Variants in EVI2B observed in about 807,000 individuals in gnomAD.
EVI2B encodes ecotropic viral integration site 2B, also known as protein EVI2B.
EVI2B carries 4 observed loss-of-function variants against 6.6 expected under a neutral mutation model. The observed-to-expected ratio is 0.61, with a 90% confidence interval of 0.30 to 1.39. The LOEUF is 1.39. EVI2B is among the 40% of genes most tolerant of loss of function. The pLI is 0.08. For synonymous variants in EVI2B, 181 were observed against 186.8 expected, an observed-to-expected ratio of 0.97 and a Z score of 0.25; for missense variants, 484 against 516.6, an observed-to-expected ratio of 0.94 and a Z score of 0.61.
At position 31,305,658 on chromosome 17, in the gene EVI2B, A is replaced by G. The variant is rs190016033; in HGVS notation, c.-21-28T>C. 8 of 1,558,842 alleles carry G rather than the reference A, an allele frequency of 5.1e-6. No homozygotes were observed. In the African/African-American group the frequency reaches 1.1e-4, roughly 21 times the overall value. On this transcript the variant is annotated intron_variant, in intron 1 of 1. Transcript: ENST00000330927. ...ATAGCGGGTTTATAATGAAAGAGAAAGACAGTTAGGCGTCATTGGTGTCTA... is the reference window on the plus strand; with the variant it reads ...ATAGCGGGTTTATAATGAAAGAGAAGGACAGTTAGGCGTCATTGGTGTCTA...
At position 31,304,849 on chromosome 17, in the gene EVI2B, A is replaced by C; in HGVS notation, c.761T>G (p.Met254Arg). 7.4e-6 allele frequency: 12 copies of C among 1,614,102 alleles called. No homozygotes were observed. The highest frequency in any genetic ancestry group is 2.2e-5 in the East Asian group (1 of 44,864). Reference protein sequence around the residue: ...FADGETPDICMDNIRENEIST... With the variant: ...FADGETPDICRDNIRENEIST... The stretch of plus-strand genomic sequence containing the variant: ...TATTTCATTTTCTCTGATGTTATCC[A>C]TACAAATGTCAGGGGTTTCTCCATC... Residue 254 changes from methionine to arginine, a missense_variant, in exon 2 of 2, where the codon ATG becomes AGG. Coordinates refer to ENST00000330927, the MANE Select transcript of EVI2B (RefSeq NM_006495.4).
chr17:31,305,660 A>T (rs1299922889), intron 1 of EVI2B, 30 bp from the exon 2 acceptor site: 1 of 1,554,218 alleles, frequency 6.4e-7, no homozygotes, highest in Admixed American at 1.9e-5. Context: ...AAAGAGAAAG[A>T]CAGTTAGGCG....
intron 1 of EVI2B, among the ~76,000 whole-genome samples, chr17:31,306,388 T>C (rs1333361587): frequency 2.4e-4 from 36 of 152,164 alleles, no homozygotes. Flanking sequence ...TTTTTCCATA[T>C]TTTATATATA....
Position 31,304,707 on chromosome 17 carries a change from G to A in EVI2B, c.903C>T (p.Ser301=). The A allele has an allele frequency of 1.2e-6, 2 of 1,614,076 alleles. No individual in the cohort carries two copies. Among genetic ancestry groups the A allele is most frequent in the Non-Finnish European group, 1.7e-6 (2 of 1,180,000 alleles). ...LFESSENIED[S]NNPKTEKIKD... ...TTATTTTCTCTGTTTTGGGGTTGTT[G>A]GAGTCTTCAATGTTTTCACTTGATT... is the stretch of plus-strand genomic sequence containing the variant. Residue 301 remains serine (S), a synonymous_variant, in exon 2 of 2, where the codon TCC becomes TCT. Coordinates refer to ENST00000330927, the MANE Select transcript of EVI2B (RefSeq NM_006495.4).
chr17:31,311,535 A>G (rs545265127), intron 1 of EVI2B, among the ~76,000 whole-genome samples: 1 of 152,374 alleles, frequency 6.6e-6, no homozygotes, highest in East Asian at 1.9e-4. Flanking sequence ...GCCATTCTGC[A>G]TCTTGAGGAA....
Position 31,313,986 on chromosome 17 carries a change from GTTAAC to G in EVI2B, c.-34_-30del. 1 of 398,020 alleles carries G rather than the reference GTTAAC, an allele frequency of 2.5e-6. No individual in the cohort carries two copies. The highest frequency in any genetic ancestry group is 4.4e-6 in the Non-Finnish European group (1 of 225,770). 24.7% of individuals were successfully genotyped at this position (398,020 alleles called of 1,614,324 possible). On this transcript the variant is annotated 5_prime_UTR_variant, in exon 1 of 2. Coordinates refer to ENST00000330927, the MANE Select transcript of EVI2B (RefSeq NM_006495.4). Reference sequence around the variant, plus strand: ...GTGTGAAAATTTTCTTACCTCAGCTGTTAACTTCTTTTGCAGAATGCTAAATTCTT... The same window carrying G: ...GTGTGAAAATTTTCTTACCTCAGCTGTTCTTTTGCAGAATGCTAAATTCTT...
intron 1 of EVI2B, chr17:31,307,874 T>G (rs1386458522): frequency 7.0e-6 from 9 of 1,287,994 alleles, no homozygotes; most frequent in Non-Finnish European, 9.1e-6. Flanking sequence ...GCAATAAAGG[T>G]TTTACAAATT....
chr17:31,313,769 A>T (rs2068951714), intron 1 of EVI2B, among the ~76,000 whole-genome samples: 1 of 151,156 alleles, frequency 6.6e-6, no homozygotes, highest in South Asian at 2.1e-4. Flanking sequence ...AGATTAAATA[A>T]ACTTAAAAGG....
chr17:31,306,799 A>T (rs868157541), intron 1 of EVI2B, among the ~76,000 whole-genome samples: 1,636 of 144,340 alleles, frequency 0.011, 33 homozygotes, highest in African/African-American at 0.036. Context: ...TAGGAGATTA[A>T]AAAAAAAAAA....
intron 1 of EVI2B, among the ~76,000 whole-genome samples, chr17:31,313,352 C>A (rs948983732): frequency 1.3e-4 from 20 of 152,044 alleles, no homozygotes; most frequent in Non-Finnish European, 2.9e-5. Context: ...CTATTTCTAA[C>A]CCTTAGCTTT....
At chr17:31,307,137 C>A (rs996765803) in intron 1 of EVI2B, among the ~76,000 whole-genome samples, 2 of 152,044 alleles carry the variant, frequency 1.3e-5, no homozygotes, top group African/African-American at 4.8e-5. Context: ...ATTCTCCTCT[C>A]TCAGCCTCCA....
rs889817540 is a variant in EVI2B at position 31,304,022 on chromosome 17, T to C, written c.*241A>G. Reference sequence around the variant, plus strand: ...GTTCTTAAATTATTGAAACATACCATTTACATATGTAAAATGTACTATACT... The same window carrying C: ...GTTCTTAAATTATTGAAACATACCACTTACATATGTAAAATGTACTATACT... On this transcript the variant is annotated 3_prime_UTR_variant, in exon 2 of 2. Coordinates refer to ENST00000330927, the MANE Select transcript of EVI2B (RefSeq NM_006495.4). The C allele has an allele frequency of 4.0e-5, 14 of 349,424 alleles. No individual in the cohort carries two copies. The highest frequency in any genetic ancestry group is 2.1e-4 in the African/African-American group (10 of 47,640). The allele number at this position is 349,424 out of a possible 1,614,324, so 21.6% of individuals were successfully genotyped here. A position where few individuals can be genotyped will look rare whatever the true frequency, so the allele number is the denominator to read the frequency against.
chr17:31,305,170 G>A lies in EVI2B; in HGVS notation c.440C>T (p.Thr147Ile), dbSNP rs139629091. 50 of 1,614,172 alleles carry A rather than the reference G, an allele frequency of 3.1e-5. No homozygotes were observed. In the African/African-American group the frequency reaches 5.6e-4, roughly 18 times the overall value. ...QPPKSFVYTF[T>I]QQSSSVQIPS... is the part of the protein sequence containing the mutation. ...GATCTGGACAGATGATGATTGTTGA[G>A]TAAAAGTATAGACAAATGACTTTGG... Residue 147 changes from threonine (T) to isoleucine (I), a missense_variant, in exon 2 of 2, where the codon ACT becomes ATT. Coordinates refer to ENST00000330927, the MANE Select transcript of EVI2B (RefSeq NM_006495.4).
rs767528280 is a variant in EVI2B, at chr17:31,304,358, T to C, written c.1252A>G (p.Asn418Asp). 4 of 1,614,142 alleles carry C rather than the reference T, an allele frequency of 2.5e-6. No individual in the cohort carries two copies. In the South Asian group the frequency reaches 4.4e-5, roughly 18 times the overall value. Residue 418 changes from asparagine to aspartate, a missense_variant, in exon 2 of 2, where the codon AAC becomes GAC. Asn to Asp is a conservative substitution (Grantham distance 23, BLOSUM62 1). Coordinates refer to ENST00000330927, the MANE Select transcript of EVI2B (RefSeq NM_006495.4). ...VDFMKNQEDS[N>D]LEIQCQEFSI... Reference sequence around the variant, plus strand: ...AACTCCTGACACTGGATCTCAAGGTTGGAATCTTCTTGGTTTTTCATAAAA... The same window carrying C: ...AACTCCTGACACTGGATCTCAAGGTCGGAATCTTCTTGGTTTTTCATAAAA...
At chr17:31,307,574 A>G (rs2068757932) in intron 1 of EVI2B, among the ~76,000 whole-genome samples, 1 of 152,176 alleles carries the variant, frequency 6.6e-6, no homozygotes, top group African/African-American at 2.4e-5. Context: ...TTTCAGTTCT[A>G]CTTCTCCCAT....
rs776156138 is a variant in EVI2B at position 31,305,287 on chromosome 17, T to G, written c.323A>C (p.Gln108Pro). The change falls in exon 2 of 2, where the codon CAA (glutamine) becomes CCA (proline). Residue 108 changes from glutamine to proline, a missense_variant. Transcript: ENST00000330927. ...GGAGGTGTTGGCTATTGGTGTTGGTTGTTTGGTGTTGTAGGCAAGTGGTTG... is the reference window on the plus strand; with the variant it reads ...GGAGGTGTTGGCTATTGGTGTTGGTGGTTTGGTGTTGTAGGCAAGTGGTTG... Reference protein sequence around the residue: ...AGQPLAYNTKQPTPIANTSSQ... With the variant: ...AGQPLAYNTKPPTPIANTSSQ... 3 of 1,614,050 alleles carry G rather than the reference T, an allele frequency of 1.9e-6. No individual in the cohort carries two copies. In the Admixed American group the frequency reaches 5.0e-5, roughly 27 times the overall value.
intron 1 of EVI2B, among the ~76,000 whole-genome samples, chr17:31,307,025 A>T (rs1047728915): frequency 6.6e-6 from 1 of 151,814 alleles, no homozygotes; most frequent in African/African-American, 2.4e-5. Flanking sequence ...AAATAATTAC[A>T]ATAATTTTTT....
At chr17:31,313,850 C>T in intron 1 of EVI2B, 129 bp downstream of exon 1, 1 of 362,524 alleles carries the variant, frequency 2.8e-6, no homozygotes, top group Non-Finnish European at 4.9e-6. Flanking sequence ...TTCTATGCAA[C>T]AAAACCACAA....
intron 1 of EVI2B, among the ~76,000 whole-genome samples, chr17:31,309,248 A>G (rs1236855398): frequency 6.6e-6 from 1 of 152,216 alleles, no homozygotes; most frequent in Non-Finnish European, 1.5e-5. Flanking sequence ...TGCCTTATAT[A>G]TTAGGAGCAC....
Sources: gnomAD v4.1 joint callset for allele counts (sites outside exome capture counted in the v4.1 genomes callset) on GRCh38, gnomAD v4.1.1 for gene constraint, MANE v1.5 for transcripts, NCBI Gene and HGNC (gene_info 2026-07-23, HGNC 2026-07-21) for gene names.